The following RNF115 variants were observed in gnomAD, a reference collection of about 807,000 sequenced individuals.
The protein encoded by RNF115 is ring finger protein 115, also known as E3 ubiquitin-protein ligase RNF115.
In RNF115, 31 loss-of-function variants were observed where a neutral mutation model predicts 39.2. That is an observed-to-expected ratio of 0.79 (90% CI 0.59 to 1.07). The LOEUF is 1.07. Ranked by LOEUF, RNF115 falls within the 50% of genes least tolerant of loss-of-function variation. The pLI, the probability that RNF115 is intolerant of heterozygous loss-of-function variation, is 0.00. For missense variants in RNF115, 384 were observed against 381.7 expected, an observed-to-expected ratio of 1.01 and a Z score of -0.05; for synonymous variants, 124 against 131.0, an observed-to-expected ratio of 0.95 and a Z score of 0.37.
intron 4 of RNF115, among the ~76,000 whole-genome samples, chr1:145,759,228 T>A (rs1396581099): frequency 6.6e-6 from 1 of 152,208 alleles, no homozygotes; most frequent in Non-Finnish European, 1.5e-5. Context: ...GACCACTTTA[T>A]CCAGCTTTAT....
chr1:145,764,364 C>G (rs1658661447), intron 4 of RNF115, among the ~76,000 whole-genome samples: 1 of 152,132 alleles, frequency 6.6e-6, no homozygotes, highest in African/African-American at 2.4e-5. Context: ...AGCGTCTCTG[C>G]CCGGCCGCCA....
intron 4 of RNF115, among the ~76,000 whole-genome samples, chr1:145,770,889 C>A (rs1293366770): frequency 6.6e-6 from 1 of 152,112 alleles, no homozygotes; most frequent in Non-Finnish European, 1.5e-5. Flanking sequence ...ACAAAAGACA[C>A]TCAACAAACA....
intron 4 of RNF115, among the ~76,000 whole-genome samples, chr1:145,756,499 A>T (rs999548227): frequency 2.1e-4 from 32 of 152,094 alleles, no homozygotes; most frequent in African/African-American, 7.7e-4. Flanking sequence ...AAGATCTAGA[A>T]TGGTACCTAA....
At chr1:145,754,968 G>A (rs587692302) in intron 4 of RNF115, among the ~76,000 whole-genome samples, 6 of 152,158 alleles carry the variant, frequency 3.9e-5, no homozygotes, top group East Asian at 1.9e-4. Context: ...GGAAATGGCC[G>A]GGTGTGGTGG....
At chr1:145,794,416 T>G (rs1049542115) in intron 1 of RNF115, among the ~76,000 whole-genome samples, 5 of 151,310 alleles carry the variant, frequency 3.3e-5, no homozygotes, top group Admixed American at 2.0e-4. Context: ...TTTGAACTCA[T>G]CAAGCTCAGC....
intron 3 of RNF115, among the ~76,000 whole-genome samples, chr1:145,779,934 A>G (rs1648048802): frequency 6.6e-6 from 1 of 151,210 alleles, no homozygotes; most frequent in Admixed American, 6.6e-5. Context: ...TCTCATTTTT[A>G]AAAAAGCTTA....
chr1:145,774,886 G>C (rs782652796), intron 3 of RNF115, among the ~76,000 whole-genome samples: 1 of 152,016 alleles, frequency 6.6e-6, no homozygotes, highest in Admixed American at 6.6e-5. Flanking sequence ...AAACGCAACT[G>C]ATTTTTGTAT....
chr1:145,766,144 T>A lies in RNF115; in HGVS notation c.428+5567A>T, dbSNP rs587737849. Among the ~76,000 whole-genome samples, 10 of 152,310 alleles carry A rather than the reference T, an allele frequency of 6.6e-5. No individual in the cohort carries two copies. The East Asian group carries it at 1.7e-3, about 26-fold the overall frequency. On this transcript the variant is annotated intron_variant, in intron 4 of 8. Coordinates refer to ENST00000582693, the MANE Select transcript of RNF115 (RefSeq NM_014455.4). ...TTCCTAGGCAGAGGACCCTGCGGCC[T>A]TCCGCAGTGTTTGTGTCCCTGGGTA...
At chr1:145,786,967 C>T in intron 2 of RNF115, 1 of 830,736 alleles carries the variant, frequency 1.2e-6, no homozygotes, top group Non-Finnish European at 1.7e-6. Flanking sequence ...CTTATTTACA[C>T]ATATAATCAC....
intron 1 of RNF115, among the ~76,000 whole-genome samples, chr1:145,796,399 A>T (rs781878475): frequency 6.6e-6 from 1 of 150,482 alleles, no homozygotes; most frequent in Non-Finnish European, 1.5e-5. Flanking sequence ...ATTTTGTGGT[A>T]GAAAATACAT....
In RNF115 at chr1:145,751,467, G is replaced by C. The variant is rs781897138; in HGVS notation, c.544C>G (p.Gln182Glu). 18 of 1,594,282 alleles carry C rather than the reference G, an allele frequency of 1.1e-5. No individual in the cohort carries two copies. The highest frequency in any genetic ancestry group is 1.3e-5 in the African/African-American group (1 of 74,630). Residue 182 changes from glutamine (Q) to glutamate (E), a missense_variant, in exon 6 of 9, where the codon CAG (glutamine) becomes GAG (glutamate). Gln to Glu is a conservative substitution (Grantham distance 29, BLOSUM62 2). Transcript: ENST00000582693. ...HSNPGDYAWG[Q>E]TGLDAIVTQL... is the part of the protein sequence containing the mutation. The stretch of plus-strand genomic sequence containing the variant: ...GTTACAATGGCATCAAGCCCTGTCT[G>C]ACCCCAGGCATAGTCCCCAGGGTTG...
chr1:145,776,543 C>T (rs1647894089), intron 3 of RNF115, among the ~76,000 whole-genome samples: 1 of 151,926 alleles, frequency 6.6e-6, no homozygotes, highest in Non-Finnish European at 1.5e-5. Flanking sequence ...GTAAAAACAT[C>T]AATTAGATTT....
At chr1:145,800,384 A>C (rs587639504) in intron 1 of RNF115, among the ~76,000 whole-genome samples, 1 of 152,344 alleles carries the variant, frequency 6.6e-6, no homozygotes, top group South Asian at 2.1e-4. Flanking sequence ...AGCCCCAATA[A>C]GACCTCTCAG....
At chr1:145,797,367 TG>T (rs1649031342) in intron 1 of RNF115, among the ~76,000 whole-genome samples, 1 of 152,328 alleles carries the variant, frequency 6.6e-6, no homozygotes, top group African/African-American at 2.4e-5. Context: ...AACACATCCC[TG>T]GTGTTTCAGT....
intron 1 of RNF115, among the ~76,000 whole-genome samples, chr1:145,809,424 G>A (rs1332816031): frequency 1.2e-4 from 18 of 149,248 alleles, no homozygotes; most frequent in Non-Finnish European, 2.7e-4. Context: ...CAGGTGATCT[G>A]CCCGCTTCAG....
intron 3 of RNF115, chr1:145,772,414 T>A (rs1647682498): frequency 6.5e-6 from 1 of 154,118 alleles, no homozygotes; most frequent in Non-Finnish European, 1.4e-5. Context: ...GCAGGTCTAT[T>A]AACAATGAAG....
chr1:145,764,159 G>A (rs1443797108), intron 4 of RNF115, among the ~76,000 whole-genome samples: 1 of 152,202 alleles, frequency 6.6e-6, no homozygotes, highest in African/African-American at 2.4e-5. Context: ...CGAGTGATCC[G>A]CCAGCCTCGG....
chr1:145,748,283 G>A (rs1331596686), intron 7 of RNF115, among the ~76,000 whole-genome samples, 173 bp from the exon 8 acceptor site: 2 of 152,116 alleles, frequency 1.3e-5, no homozygotes, highest in African/African-American at 2.4e-5. Context: ...TTCAAAATGA[G>A]GGTAAAGGTG....
chr1:145,779,282 C>G (rs587662390), intron 3 of RNF115, among the ~76,000 whole-genome samples: 1 of 151,694 alleles, frequency 6.6e-6, no homozygotes, highest in South Asian at 2.1e-4. Context: ...TCAAGAGATT[C>G]TCCCACCTCC....
Sources: allele counts gnomAD v4.1 joint callset (sites outside exome capture counted in the v4.1 genomes callset), GRCh38; gene constraint gnomAD v4.1.1; transcripts MANE v1.5; gene names NCBI Gene and HGNC (gene_info 2026-07-23, HGNC 2026-07-21).